STARD13: variants seen among roughly 807,000 people sequenced by gnomAD.
STARD13 encodes stAR-related lipid transfer protein 13.
In STARD13, 62 loss-of-function variants were observed where a neutral mutation model predicts 106.4. The ratio of observed to expected loss-of-function variants is 0.58; its 90% CI spans 0.48 to 0.72. STARD13 has a LOEUF of 0.72. STARD13 is among the 30% of genes least tolerant of loss of function. The pLI, the probability that STARD13 is intolerant of heterozygous loss-of-function variation, is 0.00. For synonymous variants in STARD13, 565 were observed against 553.0 expected, an observed-to-expected ratio of 1.02 and a Z score of -0.31; for missense variants, 1,387 against 1,424.0, an observed-to-expected ratio of 0.97 and a Z score of 0.42.
the STARD13 span, among the ~76,000 whole-genome samples, chr13:33,646,654 A>C: frequency 3.3e-5 from 5 of 151,974 alleles, no homozygotes; most frequent in Admixed American, 3.3e-4. Context: ...GTCATTTTGC[A>C]GCTTTGAAAT....
the STARD13 span, among the ~76,000 whole-genome samples, chr13:33,561,828 G>A: frequency 1.4e-5 from 2 of 146,084 alleles, no homozygotes; most frequent in Non-Finnish European, 3.0e-5. Context: ...CCCACCCTAG[G>A]GCCATTATTT....
the STARD13 span, among the ~76,000 whole-genome samples, chr13:33,461,606 T>C: frequency 6.6e-6 from 1 of 152,250 alleles, no homozygotes; most frequent in Admixed American, 6.5e-5. Flanking sequence ...GTATTATTTA[T>C]ACTTGTTAGT....
chr13:33,126,100 C>T lies in STARD13; in HGVS notation c.2063G>A (p.Arg688His), dbSNP rs528225686. Reference sequence around the variant, plus strand: ...CCCTACCTGATCGAGGCAGTTGCTGCGTAGATATCTCAGTGCTTGCTGAAT... The same window carrying T: ...CCCTACCTGATCGAGGCAGTTGCTGTGTAGATATCTCAGTGCTTGCTGAAT... ...QSIQQALRYLRSNCLDQVGLF... is the reference protein window; with the variant it reads ...QSIQQALRYLHSNCLDQVGLF... The change falls in exon 7 of 14, where the codon CGC becomes CAC. Residue 688 changes from arginine to histidine, a missense_variant. Arg to His is a conservative substitution (Grantham distance 29). Coordinates refer to ENST00000336934, the MANE Select transcript of STARD13 (RefSeq NM_178006.4). The T allele has an allele frequency of 3.1e-5, 50 of 1,614,006 alleles. No homozygotes were observed. Among genetic ancestry groups the T allele is most frequent in the Non-Finnish European group, 4.0e-5 (47 of 1,179,968 alleles).
At chr13:33,229,869 C>A (rs1566087012) in intron 1 of STARD13, among the ~76,000 whole-genome samples, 1 of 152,180 alleles carries the variant, frequency 6.6e-6, no homozygotes, top group Non-Finnish European at 1.5e-5. Context: ...TCTTTGTTGT[C>A]CCCCAGGAGT....
Position 33,117,609 on chromosome 13 carries a change from A to G in STARD13, c.2281+456T>C, listed in dbSNP as rs755739128. 1.2e-4 allele frequency: 116 copies of G among 979,476 alleles called. 1 individual carries two copies. The highest frequency in any genetic ancestry group is 1.3e-4 in the Non-Finnish European group (107 of 824,598). The allele number at this position is 979,476 out of a possible 1,614,324, so 60.7% of individuals were successfully genotyped here. On this transcript the variant is annotated intron_variant, in intron 8 of 13. Transcript: ENST00000336934. ...GATTTGGTTTGCTTACTTTTCACCA[A>G]TGAAGATACTTTGTGCTAAAATACA...
the STARD13 span, among the ~76,000 whole-genome samples, chr13:33,434,077 G>T: frequency 2.6e-5 from 4 of 152,148 alleles, no homozygotes; most frequent in Admixed American, 6.5e-5. Flanking sequence ...AAGAGGCCAG[G>T]CGCTGTGGCT....
At chr13:33,434,370 A>AAAAG in the STARD13 span, among the ~76,000 whole-genome samples, 7 of 151,164 alleles carry the variant, frequency 4.6e-5, no homozygotes, top group East Asian at 3.9e-4. Flanking sequence ...AAAAAAAAAA[A>AAAAG]AAAGAAAGAA....
chr13:33,405,912 A>G, the STARD13 span, among the ~76,000 whole-genome samples: 1 of 152,234 alleles, frequency 6.6e-6, no homozygotes, highest in African/African-American at 2.4e-5. Context: ...GCTAACATGT[A>G]GAGAGCACTG....
the STARD13 span, among the ~76,000 whole-genome samples, chr13:33,674,484 C>A: frequency 6.6e-6 from 1 of 152,168 alleles, no homozygotes; most frequent in Non-Finnish European, 1.5e-5. Flanking sequence ...TGGTTCTTAG[C>A]ATAGACCAAT....
rs1593859892 is a variant in STARD13, at chr13:33,112,910, A to T, written c.2303T>A (p.Leu768Gln). The change falls in exon 9 of 14, where the codon CTG becomes CAG. Residue 768 changes from leucine (L) to glutamine (Q), a missense_variant. Transcript: ENST00000336934. ...IYQYVSKEQRLQAVQAAILLL... is the reference protein window; with the variant it reads ...IYQYVSKEQRQQAVQAAILLL... ...CAGGATGGCAGCCTGCACGGCCTGC[A>T]GCCGCTGCTCTTTGGAGACATCTGA... 6.2e-7 allele frequency: 1 copy of T among 1,611,822 alleles called. No homozygotes were observed. Among genetic ancestry groups the T allele is most frequent in the Non-Finnish European group, 8.5e-7 (1 of 1,178,940 alleles).
At chr13:33,350,251 C>A (rs748804162) in intron 1 of STARD13, 1 of 1,509,292 alleles carries the variant, frequency 6.6e-7, no homozygotes, top group South Asian at 1.2e-5. Flanking sequence ...CCGGCGCCTC[C>A]CCCGCCCCCG....
At chr13:33,418,292 T>A in the STARD13 span, among the ~76,000 whole-genome samples, 2 of 152,248 alleles carry the variant, frequency 1.3e-5, no homozygotes, top group Non-Finnish European at 2.9e-5. Context: ...TTCTCTCCCA[T>A]GCCTGGCTTG....
At chr13:33,187,788 T>C (rs1386222988) in intron 1 of STARD13, among the ~76,000 whole-genome samples, 2 of 152,166 alleles carry the variant, frequency 1.3e-5, no homozygotes, top group South Asian at 2.1e-4. Flanking sequence ...GTTCAAATGA[T>C]TCTCGTGCCT....
At chr13:33,465,257 G>C in the STARD13 span, among the ~76,000 whole-genome samples, 1 of 139,920 alleles carries the variant, frequency 7.1e-6, no homozygotes, top group Non-Finnish European at 1.5e-5. Flanking sequence ...CCAGCCTGGA[G>C]TGCAGTGGCG....
At chr13:33,575,865 AACAGACTAATGT>A in the STARD13 span, among the ~76,000 whole-genome samples, 1 of 152,106 alleles carries the variant, frequency 6.6e-6, no homozygotes, top group African/African-American at 2.4e-5. Flanking sequence ...AGCAACCCAA[AACAGACTAATGT>A]ACAAGAAATT....
chr13:33,432,327 T>C, the STARD13 span, among the ~76,000 whole-genome samples: 1 of 152,142 alleles, frequency 6.6e-6, no homozygotes, highest in African/African-American at 2.4e-5. Flanking sequence ...TTTAATAGAA[T>C]AGTATTTAAT....
intron 1 of STARD13, among the ~76,000 whole-genome samples, chr13:33,298,612 T>C (rs982006667): frequency 6.6e-6 from 1 of 152,180 alleles, no homozygotes; most frequent in African/African-American, 2.4e-5. Flanking sequence ...TATAAGTATA[T>C]GTGCATATAC....
the STARD13 span, among the ~76,000 whole-genome samples, chr13:33,418,100 C>T: frequency 6.6e-6 from 1 of 152,090 alleles, no homozygotes; most frequent in African/African-American, 2.4e-5. Flanking sequence ...ACAGTGGGTG[C>T]AGCCCATGAA....
intron 1 of STARD13, among the ~76,000 whole-genome samples, chr13:33,190,478 C>G (rs2138501318): frequency 6.6e-6 from 1 of 152,128 alleles, no homozygotes; most frequent in Admixed American, 6.5e-5. Flanking sequence ...AAAACAAAAC[C>G]CCAAGGGTTT....
Sources: gnomAD v4.1 joint callset for allele counts (sites outside exome capture counted in the v4.1 genomes callset) on GRCh38, gnomAD v4.1.1 for gene constraint, MANE v1.5 for transcripts, NCBI Gene and HGNC (gene_info 2026-07-23, HGNC 2026-07-21) for gene names.